CHD5: variants seen among roughly 807,000 people sequenced by gnomAD.
The protein encoded by CHD5 is ATP-dependent chromatin remodeler CHD5.
In CHD5, 69 loss-of-function variants were observed where a neutral mutation model predicts 230.3. That is an observed-to-expected ratio of 0.30 (90% CI 0.25 to 0.37). The LOEUF is 0.37. Among genes scored for constraint, CHD5 ranks in the 10% least tolerant of loss-of-function variants. The pLI is 1.00. For synonymous variants in CHD5, 1,064 were observed against 1,065.9 expected, an observed-to-expected ratio of 1.00 and a Z score of 0.03; for missense variants, 1,827 against 2,622.8, an observed-to-expected ratio of 0.70 and a Z score of 6.63.
In CHD5 at chr1:6,144,017, G is replaced by A. The variant is rs201060679; in HGVS notation, c.1934+7C>T. The A allele has an allele frequency of 4.3e-5, 70 of 1,613,986 alleles. No homozygotes were observed. The highest frequency in any genetic ancestry group is 5.3e-5 in the African/African-American group (4 of 74,912). ...CTGTGCCTAGCAGCCGGATCCCTGC[G>A]ACCCACCTGTGGCCCCAGTAGGCCT... On this transcript the variant is annotated splice_region_variant and intron_variant, in intron 12 of 41. Transcript: ENST00000262450.
In CHD5 at chr1:6,105,539, G is replaced by A. The variant is rs540224687; in HGVS notation, c.*47-112C>T. ...ACCTATCACAACCAACTATGATCGG[G>A]GTGCCCCCCAGCCATGACCTCCCAG... On this transcript the variant is annotated intron_variant, in intron 41 of 41. Coordinates refer to ENST00000262450, the MANE Select transcript of CHD5 (RefSeq NM_015557.3). The surrounding 1 kb of genome is among the most constrained non-coding windows in gnomAD (Gnocchi z 4.8). 2.8e-6 allele frequency: 1 copy of A among 359,362 alleles called. No homozygotes were observed. The highest frequency in any genetic ancestry group is 5.7e-6 in the Non-Finnish European group (1 of 176,340). 22.3% of individuals were successfully genotyped at this position (359,362 alleles called of 1,614,324 possible).
At chr1:6,169,537 G>A (rs1667304758) in intron 1 of CHD5, among the ~76,000 whole-genome samples, 2 of 152,236 alleles carry the variant, frequency 1.3e-5, no homozygotes. Flanking sequence ...GCAGTAGCCT[G>A]GGGTCTGACG....
chr1:6,168,080 T>A, intron 2 of CHD5, 70 bp downstream of exon 2: 1 of 1,528,030 alleles, frequency 6.5e-7, no homozygotes, highest in Non-Finnish European at 8.9e-7. Context: ...CCAGCCCTCC[T>A]CTGCGGCCGG....
intron 36 of CHD5, among the ~76,000 whole-genome samples, chr1:6,111,349 C>T (rs1666284860): frequency 6.6e-6 from 1 of 151,606 alleles, no homozygotes; most frequent in South Asian, 2.1e-4. Context: ...GCCTAGCCAA[C>T]ATGGTGAAAC....
At chr1:6,171,030 G>A (rs1443309752) in intron 1 of CHD5, among the ~76,000 whole-genome samples, 1 of 152,228 alleles carries the variant, frequency 6.6e-6, no homozygotes, top group Non-Finnish European at 1.5e-5. Flanking sequence ...ATGCAATCTC[G>A]AGGGGGGGCC....
rs1460899455 is a variant in CHD5 at position 6,142,284 on chromosome 1, G to A, written c.2280C>T (p.Thr760=). The A allele has an allele frequency of 1.2e-6, 2 of 1,613,400 alleles. No homozygotes were observed. The highest frequency in any genetic ancestry group is 1.7e-6 in the Non-Finnish European group (2 of 1,179,336). ...GPYLVSAPLS[T]IINWEREFEM... is the part of the protein sequence containing the mutation. ...CAAACTCGCGTTCCCAGTTGATGAT[G>A]GTGGAGAGGGGCGCGCTAACCAGGT... The change falls in exon 15 of 42, where the codon ACC becomes ACT. Residue 760 remains threonine, a synonymous_variant. Transcript: ENST00000262450. This position sits in a 1 kb window ranked among gnomAD's most constrained non-coding sequence, Gnocchi z 5.2.
At chr1:6,149,712 G>GGATA (rs1571160917) in intron 7 of CHD5, among the ~76,000 whole-genome samples, 3 of 126,414 alleles carry the variant, frequency 2.4e-5, no homozygotes, top group African/African-American at 7.6e-5. Context: ...ATGGACAAAT[G>GGATA]GATGGATGGA....
intron 31 of CHD5, among the ~76,000 whole-genome samples, chr1:6,122,133 C>G (rs1356684344): frequency 6.6e-6 from 1 of 152,178 alleles, no homozygotes; most frequent in Non-Finnish European, 1.5e-5. Flanking sequence ...AAGATGTGTC[C>G]ACCTCCAAGG....
Position 6,146,331 on chromosome 1 carries a change from T to G in CHD5, c.1683A>C (p.Glu561Asp). 1 of 1,614,190 alleles carries G rather than the reference T, an allele frequency of 6.2e-7. No individual in the cohort carries two copies. Among genetic ancestry groups the G allele is most frequent in the Non-Finnish European group, 8.5e-7 (1 of 1,180,022 alleles). Reference sequence around the variant, plus strand: ...TCTTCCTCTTCTCGCTCTTGCCGTCTTCATCCCCAGAGCCGTAGTCAAAGG... The same window carrying G: ...TCTTCCTCTTCTCGCTCTTGCCGTCGTCATCCCCAGAGCCGTAGTCAAAGG... Reference protein sequence around the residue: ...PPPFDYGSGDEDGKSEKRKNK... With the variant: ...PPPFDYGSGDDDGKSEKRKNK... The change falls in exon 11 of 42, where the codon GAA becomes GAC. Residue 561 changes from glutamate (E) to aspartate (D), a missense_variant. This residue lies in a region of CHD5 where 657 missense variants were observed against 816.4 expected (regional missense o/e 0.80). Coordinates refer to ENST00000262450, the MANE Select transcript of CHD5 (RefSeq NM_015557.3). The surrounding 1 kb of genome is among the most constrained non-coding windows in gnomAD (Gnocchi z 5.1).
At chr1:6,141,146 T>C (rs745938041) in intron 15 of CHD5, among the ~76,000 whole-genome samples, 202 of 150,806 alleles carry the variant, frequency 1.3e-3, no homozygotes, top group Non-Finnish European at 1.2e-3. Flanking sequence ...TCGCTGGGCA[T>C]TGCGGCATGT....
rs1332557977 is a variant in CHD5, at chr1:6,126,360, G to A, written c.4078+212C>T. ...CACACTCGCCCAGCTCTCCCGGCCC[G>A]CACCTCCCGGGGGTTCTGCACAGGG... On this transcript the variant is annotated intron_variant, in intron 26 of 41. Transcript: ENST00000262450. This position sits in a 1 kb window ranked among gnomAD's most constrained non-coding sequence, Gnocchi z 5.7. 1.3e-5 allele frequency among the ~76,000 whole-genome samples: 2 copies of A among 149,242 alleles called. No individual in the cohort carries two copies. The highest frequency in any genetic ancestry group is 6.6e-5 in the Admixed American group (1 of 15,084).
intron 18 of CHD5, 147 bp downstream of exon 18, chr1:6,135,083 G>A: frequency 9.9e-7 from 1 of 1,012,968 alleles, no homozygotes. Flanking sequence ...AACCTGAGAA[G>A]AGGCCCCACG....
intron 1 of CHD5, 73 bp from the exon 2 acceptor site, chr1:6,168,350 C>G: frequency 1.3e-6 from 2 of 1,493,994 alleles, no homozygotes; most frequent in East Asian, 2.3e-5. Context: ...ACAGAGCCAG[C>G]CCTGGGGAAG....
chr1:6,126,136 C>T lies in CHD5; in HGVS notation c.4079-278G>A, dbSNP rs997813252. Among the ~76,000 whole-genome samples the T allele has an allele frequency of 2.0e-5, 3 of 152,246 alleles. No individual in the cohort carries two copies. Among genetic ancestry groups the T allele is most frequent in the Admixed American group, 2.0e-4 (3 of 15,300 alleles). On this transcript the variant is annotated intron_variant, in intron 26 of 41. Transcript: ENST00000262450. The surrounding 1 kb of genome is among the most constrained non-coding windows in gnomAD (Gnocchi z 5.7). ...CAGTGGTGAAGTCACTGAACTGAGC[C>T]ACACCTTGTTCCCCCAAACACCCAG...
Position 6,124,528 on chromosome 1 carries a change from C to G in CHD5, c.4528G>C (p.Val1510Leu), listed in dbSNP as rs758887148. 5.0e-6 allele frequency: 8 copies of G among 1,614,018 alleles called. No homozygotes were observed. The highest frequency in any genetic ancestry group is 1.7e-5 in the Admixed American group (1 of 60,000). ...AGTTACTCACCCACCTTCTTCCTAA[C>G]TAGTGACATGACCCCGATGCGGGTC... ...VLTRIGVMSL[V>L]RKKVQEFEHV... Residue 1510 changes from valine to leucine, a missense_variant, in exon 30 of 42, where the codon GTT becomes CTT. Around this residue, in one of 14 missense-constraint regions of CHD5, gnomAD observed 108 missense variants for 152.4 expected, o/e 0.71. Transcript: ENST00000262450.
rs142137766 is a variant in CHD5 at position 6,149,484 on chromosome 1, AG to A, written c.995-73del. The A allele has an allele frequency of 9.1e-4, 1,343 of 1,468,818 alleles. 11 individuals are homozygous for A. In the African/African-American group the frequency reaches 0.016, roughly 18 times the overall value. 91.0% of individuals were successfully genotyped at this position (1,468,818 alleles called of 1,614,324 possible). A position where few individuals can be genotyped will look rare whatever the true frequency, so the allele number is the denominator to read the frequency against. On this transcript the variant is annotated intron_variant, in intron 7 of 41. Coordinates refer to ENST00000262450, the MANE Select transcript of CHD5 (RefSeq NM_015557.3). ...AGCACACAACCAACTGCATCGCCCC[AG>A]GCCAGACAGGCACAGAGTAGATGTC...
chr1:6,149,676 A>T (rs976806653), intron 7 of CHD5, among the ~76,000 whole-genome samples: 6 of 151,484 alleles, frequency 4.0e-5, no homozygotes, highest in African/African-American at 1.5e-4. Flanking sequence ...ATGGATGGAT[A>T]GACAAATGGA....
intron 7 of CHD5, 28 bp downstream of exon 7, chr1:6,151,004 C>G (rs1666998956): frequency 6.6e-7 from 1 of 1,508,020 alleles, no homozygotes; most frequent in African/African-American, 1.4e-5. Flanking sequence ...CCCAGCAGGC[C>G]AAGAACTCTC....
chr1:6,122,071 G>T (rs12046601), intron 31 of CHD5, among the ~76,000 whole-genome samples: 16,479 of 152,260 alleles, frequency 0.11, 1,260 homozygotes, highest in East Asian at 0.38. Flanking sequence ...ACAGAGGTTA[G>T]GTGACTTGCC....
Sources: gnomAD v4.1 joint callset for allele counts (sites outside exome capture counted in the v4.1 genomes callset) on GRCh38, gnomAD v4.1.1 for gene constraint, gnomAD v4.1.1 regional missense constraint, Gnocchi (gnomAD v3.1) non-coding constraint, MANE v1.5 for transcripts, NCBI Gene and HGNC (gene_info 2026-07-23, HGNC 2026-07-21) for gene names.